The following WDR38 variants were observed in gnomAD, a reference collection of about 807,000 sequenced individuals.
WDR38 encodes WD repeat domain 38.
A neutral mutation model predicts 36.6 loss-of-function variants in WDR38; 37 were observed. That is an observed-to-expected ratio of 1.01 (90% CI 0.78 to 1.33). The LOEUF (loss-of-function observed/expected upper bound fraction) is 1.33, where lower values mean the gene tolerates loss of function less well. Among genes scored for constraint, WDR38 ranks in the 40% most tolerant of loss-of-function variants. WDR38 has a pLI of 0.00. For missense variants in WDR38, 411 were observed against 414.6 expected, an observed-to-expected ratio of 0.99 and a Z score of 0.07; for synonymous variants, 164 against 168.1, an observed-to-expected ratio of 0.98 and a Z score of 0.19.
rs373398560 is a variant in WDR38 at position 124,856,513 on chromosome 9, G to A, written c.531G>A (p.Arg177=). 201 of 1,612,496 alleles carry A rather than the reference G, an allele frequency of 1.2e-4. No homozygotes were observed. The highest frequency in any genetic ancestry group is 1.5e-4 in the Non-Finnish European group (177 of 1,179,358). Residue 177 remains arginine (R), a synonymous_variant, in exon 6 of 9, where the codon CGG becomes CGA. Coordinates refer to ENST00000373574, the MANE Select transcript of WDR38 (RefSeq NM_001045476.3). ...WDSTVHIWDL[R]MVTPAVSHQA... is the part of the protein sequence containing the mutation. ...CCACCGTACACATCTGGGACCTGCG[G>A]ATGGTGACCCCAGCAGTCTCCCACC... is the stretch of plus-strand genomic sequence containing the variant.
chr9:124,855,342 A>T (rs1829019124), intron 2 of WDR38, among the ~76,000 whole-genome samples: 2 of 152,342 alleles, frequency 1.3e-5, no homozygotes, highest in South Asian at 4.1e-4. Flanking sequence ...AGGGAAAATC[A>T]GGGGCTGGAG....
Position 124,857,501 on chromosome 9 carries a change from G to A in WDR38, c.817-1G>A, listed in dbSNP as rs1829112854. ...CGAGCCCCACCTTCTACTCTTAGCA[G>A]GGAGTCCTGGATGTGGCCCACACCT... On this transcript the variant is annotated splice_acceptor_variant, in intron 8 of 8. Coordinates refer to ENST00000373574, the MANE Select transcript of WDR38 (RefSeq NM_001045476.3). LOFTEE classifies it high-confidence loss of function. 1 of 1,614,058 alleles carries A rather than the reference G, an allele frequency of 6.2e-7. No homozygotes were observed. Among genetic ancestry groups the A allele is most frequent in the African/African-American group, 1.3e-5 (1 of 74,918 alleles).
chr9:124,857,750 G>A lies in WDR38; in HGVS notation c.*120G>A. On this transcript the variant is annotated 3_prime_UTR_variant, in exon 9 of 9. Coordinates refer to ENST00000373574, the MANE Select transcript of WDR38 (RefSeq NM_001045476.3). ...GCATCCAGCAGATCCCCATGGCCAG[G>A]ACTCTCCAGGCCCCACCAGAGCAGA... 2 of 1,531,816 alleles carry A rather than the reference G, an allele frequency of 1.3e-6. No individual in the cohort carries two copies. The highest frequency in any genetic ancestry group is 1.8e-6 in the Non-Finnish European group (2 of 1,134,334). The allele number at this position is 1,531,816 out of a possible 1,614,324, so 94.9% of individuals were successfully genotyped here. A position where few individuals can be genotyped will look rare whatever the true frequency, so the allele number is the denominator to read the frequency against.
At position 124,857,730 on chromosome 9, in the gene WDR38, C is replaced by A; in HGVS notation, c.*100C>A. 1 of 1,563,028 alleles carries A rather than the reference C, an allele frequency of 6.4e-7. No individual in the cohort carries two copies. The highest frequency in any genetic ancestry group is 2.3e-5 in the East Asian group (1 of 43,688). ...GACGCAAAGTGACTGTGCTGGCATC[C>A]AGCAGATCCCCATGGCCAGGACTCT... On this transcript the variant is annotated 3_prime_UTR_variant, in exon 9 of 9. Transcript: ENST00000373574.
At chr9:124,856,179 C>A (rs948778514) in intron 4 of WDR38, 61 bp from the exon 5 acceptor site, 1 of 1,607,706 alleles carries the variant, frequency 6.2e-7, no homozygotes, top group South Asian at 1.1e-5. Flanking sequence ...CTTTCCTGGA[C>A]TGTCAAGGCC....
intron 2 of WDR38, among the ~76,000 whole-genome samples, chr9:124,854,901 C>T (rs1420039829): frequency 3.3e-5 from 5 of 152,178 alleles, no homozygotes; most frequent in Admixed American, 6.6e-5. Context: ...TCAGAGAATC[C>T]AGTACCTTCA....
At chr9:124,854,651 G>A (rs1829001276) in intron 2 of WDR38, among the ~76,000 whole-genome samples, 1 of 151,564 alleles carries the variant, frequency 6.6e-6, no homozygotes, top group Non-Finnish European at 1.5e-5. Context: ...TGCAACCCCC[G>A]CCTCCTGGGT....
chr9:124,857,420 C>T lies in WDR38; in HGVS notation c.816+9C>T, dbSNP rs758390347. 15 of 1,614,164 alleles carry T rather than the reference C, an allele frequency of 9.3e-6. No homozygotes were observed. The East Asian group carries it at 1.8e-4, about 19-fold the overall frequency. On this transcript the variant is annotated intron_variant, in intron 8 of 8. Transcript: ENST00000373574. ...GCCTTGAGACCCTGAAGGTAAGGCACGGCGCTGTGGCACTGAGGAAGCTGT... is the reference window on the plus strand; with the variant it reads ...GCCTTGAGACCCTGAAGGTAAGGCATGGCGCTGTGGCACTGAGGAAGCTGT...
rs1828984522 is a variant in WDR38, at chr9:124,854,205, GTCAAC to G, written c.73_77del (p.Asn25PhefsTer6). ...GGGACCGCTTTTGTGCTGTTTCTAG[GTCAAC>G]TCTTCTGCCTTCTCCCCTGATGGCC... is the stretch of plus-strand genomic sequence containing the variant. On this transcript the variant is annotated frameshift_variant and splice_region_variant, in exon 2 of 9. Coordinates refer to ENST00000373574, the MANE Select transcript of WDR38 (RefSeq NM_001045476.3). LOFTEE classifies it high-confidence loss of function. The G allele has an allele frequency of 6.2e-7, 1 of 1,614,030 alleles. No homozygotes were observed. Among genetic ancestry groups the G allele is most frequent in the Non-Finnish European group, 8.5e-7 (1 of 1,179,948 alleles).
rs569873691 is a variant in WDR38, at chr9:124,853,549, G to A, written c.18G>A (p.Pro6=). The change falls in exon 1 of 9, where the codon CCG becomes CCA. Residue 6 remains proline, a synonymous_variant. Transcript: ENST00000373574. MNSGV[P]ATLAVRRVKF... ...GGGTGCCCATGAACAGCGGGGTCCCGGCCACGCTGGCCGTGCGGAGAGTGA... is the reference window on the plus strand; with the variant it reads ...GGGTGCCCATGAACAGCGGGGTCCCAGCCACGCTGGCCGTGCGGAGAGTGA... The A allele has an allele frequency of 4.0e-6, 5 of 1,248,924 alleles. No homozygotes were observed. In the East Asian group the frequency reaches 9.3e-5, roughly 23 times the overall value. 77.4% of individuals were successfully genotyped at this position (1,248,924 alleles called of 1,614,324 possible).
In WDR38 at chr9:124,854,346, C is replaced by G. The variant is rs201775944; in HGVS notation, c.190+21C>G. 3 of 1,612,228 alleles carry G rather than the reference C, an allele frequency of 1.9e-6. No individual in the cohort carries two copies. In the African/African-American group the frequency reaches 4.0e-5, roughly 21 times the overall value. On this transcript the variant is annotated intron_variant, in intron 2 of 8. Coordinates refer to ENST00000373574, the MANE Select transcript of WDR38 (RefSeq NM_001045476.3). The stretch of plus-strand genomic sequence containing the variant: ...CACAGGTGGGGCTCCCACACCTGGC[C>G]GGGAAGACCGAGGCACAAGGGTCTG...
chr9:124,857,302 G>A, intron 7 of WDR38, 62 bp from the exon 8 acceptor site: 5 of 1,606,836 alleles, frequency 3.1e-6, no homozygotes, highest in South Asian at 1.1e-5. Context: ...CTTTCCTGGA[G>A]GTGGCTTCAG....
Position 124,854,240 on chromosome 9 carries a change from G to C in WDR38, c.105G>C (p.Met35Ile). 6.2e-7 allele frequency: 1 copy of C among 1,614,164 alleles called. No homozygotes were observed. The highest frequency in any genetic ancestry group is 8.5e-7 in the Non-Finnish European group (1 of 1,179,996). ...CTGCCTTCTCCCCTGATGGCCAGAT[G>C]CTGCTCACAGGCTCAGAAGATGGCT... Reference protein sequence around the residue: ...NSSAFSPDGQMLLTGSEDGCV... With the variant: ...NSSAFSPDGQILLTGSEDGCV... Residue 35 changes from methionine (M) to isoleucine (I), a missense_variant, in exon 2 of 9, where the codon ATG (methionine) becomes ATC (isoleucine). Coordinates refer to ENST00000373574, the MANE Select transcript of WDR38 (RefSeq NM_001045476.3).
At position 124,853,499 on chromosome 9, in the gene WDR38, G is replaced by T; in HGVS notation, c.-33G>T. On this transcript the variant is annotated 5_prime_UTR_variant, in exon 1 of 9. Coordinates refer to ENST00000373574, the MANE Select transcript of WDR38 (RefSeq NM_001045476.3). The stretch of plus-strand genomic sequence containing the variant: ...TGGGGTCCCGCGGCCGCCTAGGAGG[G>T]AGCCCGCCGGGGCGGGGCGGGGCCG... 8.1e-7 allele frequency: 1 copy of T among 1,237,344 alleles called. No individual in the cohort carries two copies. Among genetic ancestry groups the T allele is most frequent in the Non-Finnish European group, 1.0e-6 (1 of 982,618 alleles). 76.6% of individuals were successfully genotyped at this position (1,237,344 alleles called of 1,614,324 possible). A position where few individuals can be genotyped will look rare whatever the true frequency, so the allele number is the denominator to read the frequency against.
Position 124,856,900 on chromosome 9 carries a change from T to C in WDR38, c.768+19T>C, listed in dbSNP as rs372945123. ...CCGCATGGTAACCACCCCGGGCCCA[T>C]CCTGCTCCTACCTACCCATCCTCAC... On this transcript the variant is annotated intron_variant, in intron 7 of 8. Coordinates refer to ENST00000373574, the MANE Select transcript of WDR38 (RefSeq NM_001045476.3). 1 of 1,612,798 alleles carries C rather than the reference T, an allele frequency of 6.2e-7. No individual in the cohort carries two copies. The highest frequency in any genetic ancestry group is 1.3e-5 in the African/African-American group (1 of 74,920).
chr9:124,853,952 G>T (rs1038109295), intron 1 of WDR38, among the ~76,000 whole-genome samples: 2 of 152,194 alleles, frequency 1.3e-5, no homozygotes, highest in Admixed American at 6.5e-5. Context: ...GTCAGCTGCG[G>T]CTCTGGAATG....
chr9:124,857,296 C>G, intron 7 of WDR38, 68 bp from the exon 8 acceptor site: 2 of 1,603,286 alleles, frequency 1.2e-6, no homozygotes, highest in Admixed American at 1.7e-5. Flanking sequence ...CTGGGACTTT[C>G]CTGGAGGTGG....
At chr9:124,854,416 C>T (rs72763357) in intron 2 of WDR38, 91 bp downstream of exon 2, 19,032 of 1,579,782 alleles carry the variant, frequency 0.012, 128 homozygotes, top group Non-Finnish European at 0.015. Context: ...GAGCTGGGCA[C>T]GGGTGCAAGG....
intron 2 of WDR38, 120 bp downstream of exon 2, chr9:124,854,445 G>A: frequency 6.8e-7 from 1 of 1,462,454 alleles, no homozygotes; most frequent in Non-Finnish European, 9.3e-7. Context: ...GGCAGGTTGG[G>A]AGATGGGACG....
Sources: gnomAD v4.1 joint callset for allele counts (sites outside exome capture counted in the v4.1 genomes callset) on GRCh38, gnomAD v4.1.1 for gene constraint, MANE v1.5 for transcripts, NCBI Gene and HGNC (gene_info 2026-07-23, HGNC 2026-07-21) for gene names.